The following MEAK7 variants were observed in gnomAD, a reference collection of about 807,000 sequenced individuals.
MEAK7 encodes the protein MTOR-associated protein MEAK7.
A neutral mutation model predicts 40.5 loss-of-function variants in MEAK7; 68 were observed. The ratio of observed to expected loss-of-function variants is 1.68; its 90% CI spans 1.38 to 2.06. The LOEUF (loss-of-function observed/expected upper bound fraction) is 2.06. Ranked by LOEUF, MEAK7 falls within the 30% of genes most tolerant of loss-of-function variation. The pLI is 0.00. For missense variants in MEAK7, 918 were observed against 580.5 expected (o/e 1.58, Z -5.98); for synonymous variants, 338 against 231.9 (o/e 1.46, Z -4.16).
At position 84,482,639 on chromosome 16, in the gene MEAK7, G is replaced by A. The variant is rs772529961; in HGVS notation, c.1030C>T (p.His344Tyr). 40 of 1,614,136 alleles carry A rather than the reference G, an allele frequency of 2.5e-5. No homozygotes were observed. The highest frequency in any genetic ancestry group is 2.5e-5 in the Non-Finnish European group (30 of 1,180,060). The change falls in exon 6 of 8, where the codon CAC (histidine) becomes TAC (tyrosine). Residue 344 changes from histidine to tyrosine, a missense_variant. By Grantham distance (83) the His-to-Tyr change is moderately conservative. Coordinates refer to ENST00000343629, the MANE Select transcript of MEAK7 (RefSeq NM_020947.4). The part of the protein sequence containing the change: ...AVYTHTGYND[H>Y]YMYLNHGQQT... ...TGTCCATGGTTCAAGTACATGTAGTGGTCGTTGTAGCCCGTGTGTGTGTAC... is the reference window on the plus strand; with the variant it reads ...TGTCCATGGTTCAAGTACATGTAGTAGTCGTTGTAGCCCGTGTGTGTGTAC...
chr16:84,501,206 A>G (rs980853358), intron 1 of MEAK7, among the ~76,000 whole-genome samples: 2 of 151,808 alleles, frequency 1.3e-5, no homozygotes, highest in Non-Finnish European at 2.9e-5. Flanking sequence ...AAAAGGTCCC[A>G]AAGGTCACAT....
chr16:84,502,721 C>G (rs1914603457), intron 1 of MEAK7: 2 of 152,140 alleles, frequency 1.3e-5, no homozygotes, highest in Non-Finnish European at 2.9e-5. Context: ...AAATACAAAC[C>G]TCAGCCGGGT....
chr16:84,491,322 G>A (rs1419124943), intron 3 of MEAK7, among the ~76,000 whole-genome samples: 1 of 152,082 alleles, frequency 6.6e-6, no homozygotes, highest in African/African-American at 2.4e-5. Flanking sequence ...CAGATCATTT[G>A]AGGTTAGGAG....
At chr16:84,503,012 A>G (rs934648592) in intron 1 of MEAK7, 3 of 152,242 alleles carry the variant, frequency 2.0e-5, no homozygotes, top group African/African-American at 7.2e-5. Context: ...CAAACAAACA[A>G]AAAAACCCAC....
At chr16:84,492,970 G>C (rs965592227) in intron 3 of MEAK7, among the ~76,000 whole-genome samples, 2 of 152,144 alleles carry the variant, frequency 1.3e-5, no homozygotes, top group African/African-American at 4.8e-5. Flanking sequence ...TTATTGTTTT[G>C]ATATTAGGTC....
At chr16:84,493,979 G>C (rs1913839060) in intron 3 of MEAK7, among the ~76,000 whole-genome samples, 1 of 152,092 alleles carries the variant, frequency 6.6e-6, no homozygotes. Flanking sequence ...AGTCACATGG[G>C]TATCTACAGG....
intron 4 of MEAK7, among the ~76,000 whole-genome samples, chr16:84,488,727 A>G (rs1163098692): frequency 6.6e-6 from 1 of 152,240 alleles, no homozygotes; most frequent in African/African-American, 2.4e-5. Context: ...GGGACATTAG[A>G]AAATATTGAG....
At chr16:84,483,257 G>C (rs1177226845) in intron 5 of MEAK7, among the ~76,000 whole-genome samples, 2 of 152,200 alleles carry the variant, frequency 1.3e-5, no homozygotes, top group Admixed American at 1.3e-4. Flanking sequence ...GGGCACACAG[G>C]CCATTAAAAG....
rs1374779301 is a variant in MEAK7 at position 84,487,040 on chromosome 16, C to T, written c.549G>A (p.Gly183=). 6.2e-7 allele frequency: 1 copy of T among 1,611,816 alleles called. No homozygotes were observed. The highest frequency in any genetic ancestry group is 1.3e-5 in the African/African-American group (1 of 74,824). The change falls in exon 5 of 8, where the codon GGG becomes GGA. Residue 183 remains glycine (G), a synonymous_variant. Coordinates refer to ENST00000343629, the MANE Select transcript of MEAK7 (RefSeq NM_020947.4). ...MKLQDGKRLL[G]PQWLDYDCDR... is the part of the protein sequence containing the mutation. ...CACAGTCATAGTCCAGCCACTGGGG[C>T]CCCAGAAGTCTCTTGCCATCTAGGG...
At position 84,480,818 on chromosome 16, in the gene MEAK7, G is replaced by A. The variant is rs539964114; in HGVS notation, c.1078-110C>T. ...TTAAGTACCAGCCTGAGACAGGGGCGGGTGAGTGGTGAATGCCATCATCTT... is the reference window on the plus strand; with the variant it reads ...TTAAGTACCAGCCTGAGACAGGGGCAGGTGAGTGGTGAATGCCATCATCTT... On this transcript the variant is annotated intron_variant, in intron 6 of 7. Coordinates refer to ENST00000343629, the MANE Select transcript of MEAK7 (RefSeq NM_020947.4). 2.5e-4 allele frequency: 303 copies of A among 1,228,898 alleles called. 1 individual carries two copies. The African/African-American group carries it at 3.5e-3, about 14-fold the overall frequency. 76.1% of individuals were successfully genotyped at this position (1,228,898 alleles called of 1,614,324 possible).
At chr16:84,500,990 G>T (rs1032328244) in intron 1 of MEAK7, among the ~76,000 whole-genome samples, 16 of 151,510 alleles carry the variant, frequency 1.1e-4, no homozygotes, top group African/African-American at 3.9e-4. Flanking sequence ...AGCTACTTGG[G>T]AGGCTGAGGC....
intron 1 of MEAK7, among the ~76,000 whole-genome samples, chr16:84,499,645 C>A (rs750556879): frequency 6.6e-6 from 1 of 152,210 alleles, no homozygotes; most frequent in Non-Finnish European, 1.5e-5. Context: ...ACCCTGTACA[C>A]GAGCAATCTC....
chr16:84,502,498 C>G lies in MEAK7; in HGVS notation c.-26+2103G>C, dbSNP rs28533628. Among the ~76,000 whole-genome samples, 831 of 152,068 alleles carry G rather than the reference C, an allele frequency of 5.5e-3. 10 individuals carry two copies. The highest frequency in any genetic ancestry group is 0.019 in the African/African-American group (786 of 41,470). ...AAGGGAACCCACAGAAGTCTCGAGG[C>G]CAATGTAGGGTTGTGTTATGCACAG... is the stretch of plus-strand genomic sequence containing the variant. On this transcript the variant is annotated intron_variant, in intron 1 of 7. Transcript: ENST00000343629.
intron 3 of MEAK7, among the ~76,000 whole-genome samples, chr16:84,491,401 T>C (rs1223497282): frequency 1.3e-5 from 2 of 151,976 alleles, no homozygotes; most frequent in Non-Finnish European, 2.9e-5. Flanking sequence ...TAACCAGGTA[T>C]GGTGACACAC....
chr16:84,497,306 G>C (rs755616680), intron 2 of MEAK7: 89 of 845,834 alleles, frequency 1.1e-4, no homozygotes, highest in Non-Finnish European at 1.3e-4. Context: ...CCATGGAACG[G>C]GGAAAAACAT....
Position 84,477,816 on chromosome 16 carries a change from C to T in MEAK7, c.*2097G>A, listed in dbSNP as rs144273695. 31 of 152,338 alleles carry T rather than the reference C, an allele frequency of 2.0e-4. No homozygotes were observed. Among genetic ancestry groups the T allele is most frequent in the African/African-American group, 7.0e-4 (29 of 41,560 alleles). The allele number at this position is 152,338 out of a possible 1,614,324, so 9.4% of individuals were successfully genotyped here. A position where few individuals can be genotyped will look rare whatever the true frequency, so the allele number is the denominator to read the frequency against. ...AGGTTTGAGTGTCCAGAGGCAGAAC[C>T]GTGCACCAAGAGAAGCCCACAGAGA... On this transcript the variant is annotated 3_prime_UTR_variant, in exon 8 of 8. Coordinates refer to ENST00000343629, the MANE Select transcript of MEAK7 (RefSeq NM_020947.4).
rs202157973 is a variant in MEAK7, at chr16:84,494,435, CT to C, written c.384+1247del. ...TCAATCTTTCTCCTTCCTTCTATTCCTTTTTTTCCCCCCATTTTTCTGATTT... is the reference window on the plus strand; with the variant it reads ...TCAATCTTTCTCCTTCCTTCTATTCCTTTTTTCCCCCCATTTTTCTGATTT... On this transcript the variant is annotated intron_variant, in intron 3 of 7. Transcript: ENST00000343629. Among the ~76,000 whole-genome samples the C allele has an allele frequency of 5.4e-3, 823 of 152,092 alleles. 11 individuals are homozygous for C. Among genetic ancestry groups the C allele is most frequent in the African/African-American group, 0.017 (718 of 41,488 alleles).
Position 84,480,160 on chromosome 16 carries a change from C to T in MEAK7, c.1258-134G>A, listed in dbSNP as rs533064889. On this transcript the variant is annotated intron_variant, in intron 7 of 7. Transcript: ENST00000343629. ...CTAAGGCCCCTCCCACTCTGGGATT[C>T]AGTGGCTGGGTGGGTAGGAGGTATT... The T allele has an allele frequency of 3.7e-4, 252 of 690,344 alleles. 5 individuals carry two copies. The South Asian group carries it at 5.5e-3, about 15-fold the overall frequency. 42.8% of individuals were successfully genotyped at this position (690,344 alleles called of 1,614,324 possible).
At position 84,479,835 on chromosome 16, in the gene MEAK7, G is replaced by A; in HGVS notation, c.*78C>T. 9.1e-7 allele frequency: 1 copy of A among 1,096,218 alleles called. No homozygotes were observed. Among genetic ancestry groups the A allele is most frequent in the East Asian group, 2.6e-5 (1 of 38,314 alleles). The allele number at this position is 1,096,218 out of a possible 1,614,324, so 67.9% of individuals were successfully genotyped here. On this transcript the variant is annotated 3_prime_UTR_variant, in exon 8 of 8. Transcript: ENST00000343629. ...ACGCTATTACAGTTAAACCATGTGG[G>A]AGGGAAGAGGGGCTGCAGGCGTTGC...
Sources: gnomAD v4.1 joint callset for allele counts (sites outside exome capture counted in the v4.1 genomes callset) on GRCh38, gnomAD v4.1.1 for gene constraint, MANE v1.5 for transcripts, NCBI Gene and HGNC (gene_info 2026-07-23, HGNC 2026-07-21) for gene names.